SUSD4: variants seen among roughly 807,000 people sequenced by gnomAD.
The protein encoded by SUSD4 is sushi domain containing 4.
Under a neutral mutation model 50.5 loss-of-function variants are expected in SUSD4, and 41 were observed. The observed-to-expected ratio is 0.81, with a 90% CI of 0.63 to 1.05. The LOEUF is 1.05. Ranked by LOEUF, SUSD4 falls within the 50% of genes least tolerant of loss-of-function variation. The pLI, the probability that SUSD4 is intolerant of heterozygous loss-of-function variation, is 0.00. For missense variants in SUSD4, 580 were observed against 634.7 expected, an observed-to-expected ratio of 0.91 and a Z score of 0.93; for synonymous variants, 257 against 257.3, an observed-to-expected ratio of 1.00 and a Z score of 0.01.
intron 2 of SUSD4, among the ~76,000 whole-genome samples, chr1:223,334,585 G>T (rs1409406724): frequency 3.3e-5 from 5 of 152,094 alleles, no homozygotes; most frequent in African/African-American, 4.8e-5. Flanking sequence ...GGAGAGGCTG[G>T]GTCACATATG....
intron 5 of SUSD4, among the ~76,000 whole-genome samples, chr1:223,250,053 T>C (rs1661198388): frequency 6.6e-6 from 1 of 152,226 alleles, no homozygotes; most frequent in Non-Finnish European, 1.5e-5. Context: ...AGGTGCACTT[T>C]CCTGGGTTCA....
At chr1:223,249,810 C>T (rs1361759622) in intron 5 of SUSD4, among the ~76,000 whole-genome samples, 1 of 152,158 alleles carries the variant, frequency 6.6e-6, no homozygotes, top group Non-Finnish European at 1.5e-5. Context: ...GTGAAAGGCA[C>T]CATGCTTTTC....
rs760456600 is a variant in SUSD4 at position 223,229,337 on chromosome 1, C to T, written c.776G>A (p.Arg259Gln). Residue 259 changes from arginine (R) to glutamine (Q), a missense_variant, in exon 6 of 9, where the codon CGG (arginine) becomes CAG (glutamine). Arg to Gln is a conservative substitution (Grantham distance 43). Transcript: ENST00000366878. This position sits in a 1 kb window ranked among gnomAD's most constrained non-coding sequence, Gnocchi z 4.7. ...VSHGDFVCHP[R>Q]PCERYNHGTV... The stretch of plus-strand genomic sequence containing the variant: ...TCCGTGGTTGTAGCGCTCACAAGGC[C>T]GCGGGTGGCAGACGAAATCTCCGTG... The T allele has an allele frequency of 8.7e-6, 14 of 1,607,834 alleles. No individual in the cohort carries two copies. Among genetic ancestry groups the T allele is most frequent in the South Asian group, 2.2e-5 (2 of 90,894 alleles).
intron 5 of SUSD4, among the ~76,000 whole-genome samples, chr1:223,257,313 G>A (rs1202087063): frequency 6.6e-6 from 1 of 152,090 alleles, no homozygotes; most frequent in Non-Finnish European, 1.5e-5. Flanking sequence ...AGACCAGCCT[G>A]GGCAAAACAA....
intron 3 of SUSD4, among the ~76,000 whole-genome samples, chr1:223,271,150 T>C (rs568401148): frequency 6.6e-6 from 1 of 152,326 alleles, no homozygotes; most frequent in African/African-American, 2.4e-5. Context: ...TTGAAACAAC[T>C]ATTTTCATGA....
intron 2 of SUSD4, among the ~76,000 whole-genome samples, chr1:223,347,586 G>A (rs936586601): frequency 2.6e-5 from 4 of 151,998 alleles, no homozygotes; most frequent in South Asian, 2.1e-4. Flanking sequence ...TGGGGGATCA[G>A]TAGATCCCCT....
intron 5 of SUSD4, among the ~76,000 whole-genome samples, chr1:223,233,974 G>A (rs1039321045): frequency 5.3e-5 from 8 of 152,186 alleles, no homozygotes; most frequent in Middle Eastern, 3.2e-3. Flanking sequence ...TCCTGTCCCC[G>A]AGGTGTGAAG....
At chr1:223,256,643 G>C (rs1031972159) in intron 5 of SUSD4, among the ~76,000 whole-genome samples, 1 of 152,184 alleles carries the variant, frequency 6.6e-6, no homozygotes, top group Non-Finnish European at 1.5e-5. Context: ...GCCAGCCAGG[G>C]ACAGGGCAGC....
chr1:223,262,019 C>T (rs913218109), intron 5 of SUSD4, among the ~76,000 whole-genome samples: 1 of 152,130 alleles, frequency 6.6e-6, no homozygotes, highest in Non-Finnish European at 1.5e-5. Flanking sequence ...GAAGCCAGTC[C>T]GTCTGAGGTC....
chr1:223,242,835 A>T (rs900173814), intron 5 of SUSD4, among the ~76,000 whole-genome samples: 2 of 152,288 alleles, frequency 1.3e-5, no homozygotes, highest in Admixed American at 6.5e-5. Flanking sequence ...ATGGGGATCC[A>T]TGACTCTGGC....
At chr1:223,317,894 A>T (rs1307236169) in intron 2 of SUSD4, among the ~76,000 whole-genome samples, 1 of 100,012 alleles carries the variant, frequency 1.0e-5, no homozygotes, top group Non-Finnish European at 1.9e-5. Flanking sequence ...TTTAGGGTAC[A>T]TGTGCACATT....
In SUSD4 at chr1:223,363,426, C is replaced by A. The variant is rs2102612147; in HGVS notation, c.-1G>T. 1 of 1,549,076 alleles carries A rather than the reference C, an allele frequency of 6.5e-7. No individual in the cohort carries two copies. The highest frequency in any genetic ancestry group is 8.7e-7 in the Non-Finnish European group (1 of 1,145,424). On this transcript the variant is annotated 5_prime_UTR_variant, in exon 2 of 9. Transcript: ENST00000366878. ...TGCTCGGGTTCATTCCATGATACAT[C>A]TTTCATCCACAGAGGGCATCCAGCT...
chr1:223,224,687 C>T (rs999876333), intron 7 of SUSD4, among the ~76,000 whole-genome samples: 5 of 152,030 alleles, frequency 3.3e-5, no homozygotes, highest in Non-Finnish European at 7.4e-5. Flanking sequence ...GGCGCGCACA[C>T]AGTTCCTGGC....
At chr1:223,296,542 G>T (rs1664838911) in intron 2 of SUSD4, among the ~76,000 whole-genome samples, 1 of 152,136 alleles carries the variant, frequency 6.6e-6, no homozygotes, top group Admixed American at 6.5e-5. Context: ...AGGTGGGCAT[G>T]CCCTCCTGGA....
intron 2 of SUSD4, among the ~76,000 whole-genome samples, chr1:223,361,333 C>G (rs1572144509): frequency 6.6e-6 from 1 of 152,226 alleles, no homozygotes; most frequent in East Asian, 1.9e-4. Flanking sequence ...CACTCTCAGC[C>G]TGAAGGAGTT....
At chr1:223,247,094 A>G (rs1660987032) in intron 5 of SUSD4, among the ~76,000 whole-genome samples, 1 of 152,162 alleles carries the variant, frequency 6.6e-6, no homozygotes, top group Non-Finnish European at 1.5e-5. Context: ...AGGTCCATAC[A>G]GCCCCCCGGG....
intron 2 of SUSD4, among the ~76,000 whole-genome samples, chr1:223,354,067 G>A (rs1269402877): frequency 6.6e-6 from 1 of 151,702 alleles, no homozygotes; most frequent in African/African-American, 2.4e-5. Context: ...AAAAAGAAAA[G>A]GTTCTGACTC....
chr1:223,243,595 TCCACTAC>T lies in SUSD4; in HGVS notation c.725-14214_725-14208del, dbSNP rs200510459. ...GTCAGCCGCAGAAGCCCATGCTGTC[TCCACTAC>T]CAGCATGTGGCTGGAGCATTTTCAT... is the stretch of plus-strand genomic sequence containing the variant. On this transcript the variant is annotated intron_variant, in intron 5 of 8. Transcript: ENST00000366878. Among the ~76,000 whole-genome samples, 12 of 152,338 alleles carry T rather than the reference TCCACTAC, an allele frequency of 7.9e-5. No homozygotes were observed. The East Asian group carries it at 2.3e-3, about 29-fold the overall frequency.
intron 2 of SUSD4, among the ~76,000 whole-genome samples, chr1:223,316,647 G>C (rs375212613): frequency 2.0e-5 from 3 of 152,186 alleles, no homozygotes; most frequent in African/African-American, 7.2e-5. Context: ...TACTAGGTCA[G>C]AACCATGCCC....
Sources: allele counts gnomAD v4.1 joint callset (sites outside exome capture counted in the v4.1 genomes callset), GRCh38; gene constraint gnomAD v4.1.1; non-coding constraint Gnocchi (gnomAD v3.1); transcripts MANE v1.5; gene names NCBI Gene and HGNC (gene_info 2026-07-23, HGNC 2026-07-21).